The following RPH3A variants were observed in gnomAD, a reference collection of about 807,000 sequenced individuals.
RPH3A encodes rabphilin-3A.
RPH3A carries 48 observed loss-of-function variants against 102.2 expected under a neutral mutation model. The observed-to-expected ratio is 0.47, with a 90% CI of 0.37 to 0.60. The LOEUF is 0.60. Among genes scored for constraint, RPH3A ranks in the 20% least tolerant of loss-of-function variants. The probability of loss-of-function intolerance (pLI) is 0.00; values close to 1 mark genes in which losing one functional copy is unlikely to be tolerated. For synonymous variants in RPH3A, 310 were observed against 324.3 expected (o/e 0.96, Z 0.47); for missense variants, 781 against 910.1 (o/e 0.86, Z 1.83).
chr12:112,818,307 T>TAAAAAAAAA (rs745954372), intron 2 of RPH3A, among the ~76,000 whole-genome samples: 9 of 43,782 alleles, frequency 2.1e-4, no homozygotes, highest in Admixed American at 2.6e-4. Flanking sequence ...TCAAGAAGAA[T>TAAAAAAAAA]AAAAAAAAAA....
At chr12:112,672,139 A>G (rs148660372) in intron 1 of RPH3A, among the ~76,000 whole-genome samples, 173 of 152,102 alleles carry the variant, frequency 1.1e-3, no homozygotes, top group East Asian at 8.5e-3. Flanking sequence ...GCAGGCAGAC[A>G]GGCAGGTTGG....
chr12:112,678,281 GAAAGAAAGAA>G (rs2040197918), intron 1 of RPH3A, among the ~76,000 whole-genome samples: 20 of 75,498 alleles, frequency 2.6e-4, no homozygotes, highest in East Asian at 7.6e-4. Flanking sequence ...AAGAAAGAAA[GAAAGAAAGAA>G]AGAAAGAAAG....
chr12:112,749,708 A>C (rs1488012961), intron 1 of RPH3A, among the ~76,000 whole-genome samples: 1 of 152,228 alleles, frequency 6.6e-6, no homozygotes, highest in Non-Finnish European at 1.5e-5. Context: ...ACAGGTGAGA[A>C]AGGAGAGATT....
intron 1 of RPH3A, among the ~76,000 whole-genome samples, chr12:112,713,667 A>G (rs1445454463): frequency 6.6e-6 from 1 of 152,186 alleles, no homozygotes; most frequent in Non-Finnish European, 1.5e-5. Context: ...AAGTCAGAAA[A>G]GAGTCCCACC....
At chr12:112,582,614 C>CTTT (rs1263270263) in intron 1 of RPH3A, among the ~76,000 whole-genome samples, 19 of 116,324 alleles carry the variant, frequency 1.6e-4, no homozygotes, top group Admixed American at 5.3e-4. Flanking sequence ...GTCCAGCTAG[C>CTTT]TTTTTTTTTT....
At chr12:112,757,746 G>A (rs1330134940) in intron 1 of RPH3A, among the ~76,000 whole-genome samples, 2 of 152,202 alleles carry the variant, frequency 1.3e-5, no homozygotes, top group Non-Finnish European at 2.9e-5. Flanking sequence ...TCTGAGATGG[G>A]TGGTAGAGAG....
intron 4 of RPH3A, among the ~76,000 whole-genome samples, chr12:112,841,432 G>A (rs191159041): frequency 1.1e-3 from 168 of 152,144 alleles, no homozygotes; most frequent in Non-Finnish European, 1.9e-3. Context: ...TCCTGGAGTC[G>A]GCTTTGCTAC....
chr12:112,843,195 G>A (rs937435462), intron 4 of RPH3A, among the ~76,000 whole-genome samples: 2 of 152,102 alleles, frequency 1.3e-5, no homozygotes, highest in Non-Finnish European at 1.5e-5. Context: ...TGCCCACATC[G>A]CTCCTCGACT....
At chr12:112,630,728 C>T (rs1164839522) in intron 1 of RPH3A, among the ~76,000 whole-genome samples, 1 of 152,218 alleles carries the variant, frequency 6.6e-6, no homozygotes, top group African/African-American at 2.4e-5. Flanking sequence ...TCAGGTCAAT[C>T]TAGCACTCAT....
At chr12:112,823,014 T>C (rs934536197) in intron 2 of RPH3A, among the ~76,000 whole-genome samples, 3 of 152,214 alleles carry the variant, frequency 2.0e-5, no homozygotes, top group African/African-American at 4.8e-5. Context: ...TTTATGCTTT[T>C]GAAGTTGCAG....
At chr12:112,794,682 C>T (rs904359665) in intron 2 of RPH3A, among the ~76,000 whole-genome samples, 1 of 152,158 alleles carries the variant, frequency 6.6e-6, no homozygotes, top group South Asian at 2.1e-4. Context: ...TGTGAGCACC[C>T]CCCCAAGTTC....
At chr12:112,760,615 G>C (rs908052273) in intron 1 of RPH3A, among the ~76,000 whole-genome samples, 2 of 152,198 alleles carry the variant, frequency 1.3e-5, no homozygotes, top group South Asian at 2.1e-4. Flanking sequence ...TTCAGGCAAG[G>C]CACTGACTGA....
rs577007670 is a variant in RPH3A at position 112,821,440 on chromosome 12, C to T, written c.-18-6861C>T. On this transcript the variant is annotated intron_variant, in intron 2 of 21. Transcript: ENST00000389385. Reference sequence around the variant, plus strand: ...ACCACCACCACTCTGATCTCAGCTCCCTCTTGCTCTCTTTACTCCAACCAC... The same window carrying T: ...ACCACCACCACTCTGATCTCAGCTCTCTCTTGCTCTCTTTACTCCAACCAC... Among the ~76,000 whole-genome samples, 29 of 152,164 alleles carry T rather than the reference C, an allele frequency of 1.9e-4. 1 individual carries two copies. Among genetic ancestry groups the T allele is most frequent in the African/African-American group, 6.7e-4 (28 of 41,520 alleles).
chr12:112,800,872 T>C (rs1246917161), intron 2 of RPH3A, among the ~76,000 whole-genome samples: 1 of 152,162 alleles, frequency 6.6e-6, no homozygotes, highest in Non-Finnish European at 1.5e-5. Context: ...CCCAGCAGTG[T>C]GTGCAGAGTC....
intron 1 of RPH3A, among the ~76,000 whole-genome samples, chr12:112,706,946 C>T (rs1869479288): frequency 6.6e-6 from 1 of 152,208 alleles, no homozygotes; most frequent in South Asian, 2.1e-4. Context: ...GCTGCAACAC[C>T]TGGTTTCTCC....
chr12:112,671,022 T>C (rs1404921540), intron 1 of RPH3A, among the ~76,000 whole-genome samples: 3 of 151,534 alleles, frequency 2.0e-5, no homozygotes, highest in Non-Finnish European at 4.4e-5. Context: ...CCAAGTTTAG[T>C]TGTTAAAAAA....
intron 2 of RPH3A, among the ~76,000 whole-genome samples, chr12:112,795,403 T>C (rs559261785): frequency 6.6e-6 from 1 of 152,214 alleles, no homozygotes; most frequent in Non-Finnish European, 1.5e-5. Flanking sequence ...CTGAAGCTGA[T>C]GATTTTAAAT....
intron 1 of RPH3A, among the ~76,000 whole-genome samples, chr12:112,672,533 G>A (rs908358480): frequency 6.6e-6 from 1 of 152,168 alleles, no homozygotes; most frequent in African/African-American, 2.4e-5. Context: ...ACACACCATG[G>A]AAAGGACTCA....
At chr12:112,670,544 C>A (rs2040120595) in intron 1 of RPH3A, among the ~76,000 whole-genome samples, 1 of 152,116 alleles carries the variant, frequency 6.6e-6, no homozygotes, top group African/African-American at 2.4e-5. Context: ...AGTCTTAAGA[C>A]AACAACCATT....
Sources: allele counts gnomAD v4.1 joint callset (sites outside exome capture counted in the v4.1 genomes callset), GRCh38; gene constraint gnomAD v4.1.1; transcripts MANE v1.5; gene names NCBI Gene and HGNC (gene_info 2026-07-23, HGNC 2026-07-21).